RORA: variants seen among roughly 807,000 people sequenced by gnomAD.
RORA encodes the protein nuclear receptor ROR-alpha.
In RORA, 7 loss-of-function variants were observed where a neutral mutation model predicts 69.5. That is an observed-to-expected ratio of 0.10 (90% CI 0.06 to 0.19). The LOEUF (loss-of-function observed/expected upper bound fraction) is 0.19. RORA is among the 10% of genes least tolerant of loss of function. The pLI, the probability that RORA is intolerant of heterozygous loss-of-function variation, is 1.00. For missense variants in RORA, 457 were observed against 663.0 expected (o/e 0.69, Z 3.41); for synonymous variants, 261 against 240.8 (o/e 1.08, Z -0.78).
intron 1 of RORA, among the ~76,000 whole-genome samples, chr15:60,991,765 G>A (rs1051026736): frequency 2.2e-4 from 33 of 151,896 alleles, no homozygotes; most frequent in African/African-American, 8.0e-4. Flanking sequence ...AACATTATCC[G>A]GCCTTGATGC....
At chr15:60,518,996 T>G (rs1784458496) in intron 3 of RORA, among the ~76,000 whole-genome samples, 1 of 152,218 alleles carries the variant, frequency 6.6e-6, no homozygotes, top group South Asian at 2.1e-4. Context: ...TTCACATAAC[T>G]TTTATTACAG....
rs573568964 is a variant in RORA at position 60,914,784 on chromosome 15, G to A, written c.167-236098C>T. Reference sequence around the variant, plus strand: ...TTCCATCATTTAGGAAACAAAAGCAGTCAAGACTAAAAATCTCAGACATCG... The same window carrying A: ...TTCCATCATTTAGGAAACAAAAGCAATCAAGACTAAAAATCTCAGACATCG... On this transcript the variant is annotated intron_variant, in intron 1 of 10. Coordinates refer to ENST00000335670, the MANE Select transcript of RORA (RefSeq NM_134261.3). 9.8e-5 allele frequency among the ~76,000 whole-genome samples: 15 copies of A among 152,290 alleles called. No individual in the cohort carries two copies. The East Asian group carries it at 2.9e-3, about 29-fold the overall frequency.
intron 1 of RORA, among the ~76,000 whole-genome samples, chr15:61,062,824 C>T (rs1161287631): frequency 6.6e-6 from 1 of 152,134 alleles, no homozygotes; most frequent in African/African-American, 2.4e-5. Context: ...ATGCTCACTA[C>T]CAAGGTTCAG....
intron 1 of RORA, among the ~76,000 whole-genome samples, chr15:60,897,310 T>C (rs1384841786): frequency 6.6e-6 from 1 of 152,220 alleles, no homozygotes; most frequent in African/African-American, 2.4e-5. Flanking sequence ...TCACTCATTA[T>C]CTCAAAAATG....
chr15:60,682,729 C>T (rs1567153947), intron 1 of RORA, among the ~76,000 whole-genome samples: 1 of 152,208 alleles, frequency 6.6e-6, no homozygotes, highest in African/African-American at 2.4e-5. Context: ...CGAAGGGCAT[C>T]GAACCAAGTC....
chr15:60,578,119 A>G (rs1258022667), intron 2 of RORA, among the ~76,000 whole-genome samples: 1 of 152,258 alleles, frequency 6.6e-6, no homozygotes, highest in African/African-American at 2.4e-5. Context: ...ACCTGAAGCC[A>G]TATCACTGAC....
chr15:61,170,623 T>A (rs1051541134), intron 1 of RORA, among the ~76,000 whole-genome samples: 2 of 152,234 alleles, frequency 1.3e-5, no homozygotes, highest in African/African-American at 2.4e-5. Flanking sequence ...ACTTCTCTCA[T>A]AAAACCATTA....
At chr15:60,746,848 T>C (rs1418846813) in intron 1 of RORA, among the ~76,000 whole-genome samples, 1 of 152,240 alleles carries the variant, frequency 6.6e-6, no homozygotes, top group Non-Finnish European at 1.5e-5. Flanking sequence ...AACTTCATGC[T>C]GTAGGTTGCC....
intron 1 of RORA, among the ~76,000 whole-genome samples, chr15:61,171,739 T>C (rs995967100): frequency 6.6e-6 from 1 of 152,224 alleles, no homozygotes; most frequent in Non-Finnish European, 1.5e-5. Flanking sequence ...GCTACATCTT[T>C]AGCAGAGAGG....
intron 1 of RORA, among the ~76,000 whole-genome samples, chr15:60,819,482 G>A (rs557921252): frequency 8.1e-4 from 123 of 152,248 alleles, no homozygotes; most frequent in African/African-American, 2.8e-3. Flanking sequence ...AAAGGGAAGG[G>A]AGAGAACTAA....
chr15:60,651,008 C>T (rs1177751467), intron 2 of RORA, among the ~76,000 whole-genome samples: 1 of 152,116 alleles, frequency 6.6e-6, no homozygotes, highest in Admixed American at 6.5e-5. Flanking sequence ...GAGTCCCTTC[C>T]AATACGCCAC....
At chr15:60,878,108 C>T (rs2073637685) in intron 1 of RORA, among the ~76,000 whole-genome samples, 2 of 144,648 alleles carry the variant, frequency 1.4e-5, no homozygotes, top group South Asian at 2.2e-4. Context: ...GGGCGGATCA[C>T]GAGGTCAGGA....
chr15:61,195,215 T>C (rs1297386106), intron 1 of RORA, among the ~76,000 whole-genome samples: 1 of 152,104 alleles, frequency 6.6e-6, no homozygotes, highest in African/African-American at 2.4e-5. Context: ...TGGATGTTAC[T>C]TACATTCAGC....
chr15:60,798,276 C>T (rs2072527168), intron 1 of RORA, among the ~76,000 whole-genome samples: 1 of 147,550 alleles, frequency 6.8e-6, no homozygotes, highest in Admixed American at 6.7e-5. Context: ...ACACCACCTG[C>T]AGTGTACTTA....
At chr15:60,518,093 G>A (rs946763974) in intron 3 of RORA, among the ~76,000 whole-genome samples, 13 of 152,114 alleles carry the variant, frequency 8.5e-5, no homozygotes, top group African/African-American at 2.7e-4. Context: ...CGAACTCCTG[G>A]GCTCAAGCGG....
At chr15:60,987,703 G>C (rs1894247880) in intron 1 of RORA, among the ~76,000 whole-genome samples, 1 of 152,188 alleles carries the variant, frequency 6.6e-6, no homozygotes. Context: ...CAGAGATTCA[G>C]TTACACTGAG....
chr15:61,193,600 T>C (rs2079820668), intron 1 of RORA, among the ~76,000 whole-genome samples: 1 of 152,242 alleles, frequency 6.6e-6, no homozygotes, highest in Non-Finnish European at 1.5e-5. Flanking sequence ...TTACTTAAGA[T>C]AGTTTGAGTC....
intron 1 of RORA, among the ~76,000 whole-genome samples, chr15:60,953,923 C>T (rs1893184842): frequency 6.6e-6 from 1 of 150,748 alleles, no homozygotes; most frequent in Admixed American, 6.6e-5. Flanking sequence ...ACCATTTGAC[C>T]CAGCCATCCC....
In RORA at chr15:60,495,332, C is replaced by G. The variant is rs2065140506; in HGVS notation, c.*2123G>C. ...CTATATGCTGACAGTTAGCATCTCT[C>G]TATAAACACATAAAATTTTACATGC... On this transcript the variant is annotated 3_prime_UTR_variant, in exon 11 of 11. Transcript: ENST00000335670. 1 of 152,152 alleles carries G rather than the reference C, an allele frequency of 6.6e-6. No individual in the cohort carries two copies. Among genetic ancestry groups the G allele is most frequent in the Non-Finnish European group, 1.5e-5 (1 of 68,042 alleles). 9.4% of individuals were successfully genotyped at this position (152,152 alleles called of 1,614,324 possible). A position where few individuals can be genotyped will look rare whatever the true frequency, so the allele number is the denominator to read the frequency against.
Sources: gnomAD v4.1 joint callset for allele counts (sites outside exome capture counted in the v4.1 genomes callset) on GRCh38, gnomAD v4.1.1 for gene constraint, MANE v1.5 for transcripts, NCBI Gene and HGNC (gene_info 2026-07-23, HGNC 2026-07-21) for gene names.